Variants in MAPK10 observed in about 807,000 individuals in gnomAD.
The protein encoded by MAPK10 is mitogen-activated protein kinase 10.
A neutral mutation model predicts 59.3 loss-of-function variants in MAPK10; 25 were observed. The ratio of observed to expected loss-of-function variants is 0.42; its 90% CI spans 0.31 to 0.59. The LOEUF (loss-of-function observed/expected upper bound fraction) is 0.59. Ranked by LOEUF, MAPK10 falls within the 20% of genes least tolerant of loss-of-function variation. The pLI, the probability that MAPK10 is intolerant of heterozygous loss-of-function variation, is 0.15. For missense variants in MAPK10, 351 were observed against 568.9 expected, an observed-to-expected ratio of 0.62 and a Z score of 3.90; for synonymous variants, 190 against 200.5, an observed-to-expected ratio of 0.95 and a Z score of 0.44.
intron 2 of MAPK10, among the ~76,000 whole-genome samples, chr4:86,323,240 T>C (rs1490000236): frequency 6.6e-6 from 1 of 152,198 alleles, no homozygotes; most frequent in Non-Finnish European, 1.5e-5. Flanking sequence ...GTGCTGGTAA[T>C]GAAAGGTAAG....
intron 4 of MAPK10, among the ~76,000 whole-genome samples, chr4:86,121,253 A>T (rs2059193109): frequency 6.6e-6 from 1 of 152,190 alleles, no homozygotes; most frequent in South Asian, 2.1e-4. Context: ...CAAGATCAAG[A>T]AACAGCCAGA....
In MAPK10 at chr4:86,310,792, G is replaced by T. The variant is rs1176763069; in HGVS notation, c.-7+43738C>A. On this transcript the variant is annotated intron_variant, in intron 2 of 13. Coordinates refer to ENST00000641462, the MANE Select transcript of MAPK10 (RefSeq NM_138982.4). Reference sequence around the variant, plus strand: ...TAATTTCTCACTGTGTGATTTAGTGGTTTTTTTCTTCTCAAGGAAGGTTCT... The same window carrying T: ...TAATTTCTCACTGTGTGATTTAGTGTTTTTTTTCTTCTCAAGGAAGGTTCT... Among the ~76,000 whole-genome samples, 4 of 152,016 alleles carry T rather than the reference G, an allele frequency of 2.6e-5. No individual in the cohort carries two copies. In the Middle Eastern group the frequency reaches 0.01, roughly 390 times the overall value.
intron 2 of MAPK10, among the ~76,000 whole-genome samples, chr4:86,321,556 A>G (rs1228958668): frequency 7.7e-6 from 1 of 129,828 alleles, no homozygotes; most frequent in Non-Finnish European, 1.5e-5. Context: ...GGACACAGGA[A>G]GGGGAACATC....
intron 2 of MAPK10, among the ~76,000 whole-genome samples, chr4:86,243,535 C>T (rs887742425): frequency 6.6e-6 from 1 of 152,150 alleles, no homozygotes; most frequent in Non-Finnish European, 1.5e-5. Context: ...TCACTCATTA[C>T]ACTCTAGCCA....
intron 9 of MAPK10, among the ~76,000 whole-genome samples, chr4:86,086,433 A>C (rs948089207): frequency 2.6e-5 from 4 of 152,224 alleles, no homozygotes; most frequent in Non-Finnish European, 5.9e-5. Flanking sequence ...CAAAGGATAA[A>C]TACTTGAGGG....
At chr4:86,362,226 T>C (rs1227672912), upstream of MAPK10, among the ~76,000 whole-genome samples, 1 of 151,968 alleles carries the variant, frequency 6.6e-6, no homozygotes, top group African/African-American at 2.4e-5. Flanking sequence ...GTAACATGAA[T>C]GAGGAAAAAA....
intron 1 of MAPK10, among the ~76,000 whole-genome samples, chr4:86,501,890 A>G (rs2149079674): frequency 6.6e-6 from 1 of 152,186 alleles, no homozygotes; most frequent in South Asian, 2.1e-4. Context: ...TACATGGAAG[A>G]TTAAGGAGAC....
chr4:86,192,280 T>C (rs1176394486), intron 3 of MAPK10: 1 of 152,144 alleles, frequency 6.6e-6, no homozygotes, highest in Non-Finnish European at 1.5e-5. Context: ...AGTATCTTTG[T>C]GGTGTTTTCT....
At chr4:86,257,778 A>C (rs2148731503) in intron 2 of MAPK10, among the ~76,000 whole-genome samples, 3 of 152,244 alleles carry the variant, frequency 2.0e-5, no homozygotes, top group Middle Eastern at 6.8e-3. Context: ...TCAGTTCCTC[A>C]CACACATTCC....
At chr4:86,047,308 G>T (rs986397342) in intron 11 of MAPK10, among the ~76,000 whole-genome samples, 3 of 152,088 alleles carry the variant, frequency 2.0e-5, no homozygotes, top group African/African-American at 7.2e-5. Context: ...TTTGAGCAGA[G>T]ATTTGAATGA....
chr4:86,023,852 A>ATATATATATATATATAT (rs1560633949), intron 13 of MAPK10: 3 of 98,486 alleles, frequency 3.0e-5, no homozygotes, highest in African/African-American at 5.4e-5. Flanking sequence ...TATATATATA[A>ATATATATATATATATAT]AATGAATGTT....
intron 9 of MAPK10, among the ~76,000 whole-genome samples, chr4:86,087,365 C>A (rs1364737384): frequency 2.0e-5 from 3 of 152,104 alleles, no homozygotes; most frequent in Admixed American, 2.0e-4. Context: ...TCAGCCAAAA[C>A]TTAAAGACAA....
At chr4:86,418,681 A>G (rs1049707953) in intron 1 of MAPK10, among the ~76,000 whole-genome samples, 1 of 152,336 alleles carries the variant, frequency 6.6e-6, no homozygotes, top group South Asian at 2.1e-4. Context: ...CAAATATGAA[A>G]ATCTCTCTCC....
intron 2 of MAPK10, among the ~76,000 whole-genome samples, chr4:86,310,768 A>T (rs2095652899): frequency 6.6e-6 from 1 of 151,766 alleles, no homozygotes; most frequent in Admixed American, 6.6e-5. Flanking sequence ...TTTTTTTCCT[A>T]ATTTCTCACT....
chr4:86,204,086 T>C (rs984822351), intron 2 of MAPK10, among the ~76,000 whole-genome samples: 2 of 151,868 alleles, frequency 1.3e-5, no homozygotes, highest in Admixed American at 6.6e-5. Flanking sequence ...GTGGCAAAAC[T>C]GAGTAATCGT....
chr4:86,584,364 G>A (rs1256875833), intron 1 of MAPK10, among the ~76,000 whole-genome samples: 1 of 152,116 alleles, frequency 6.6e-6, no homozygotes, highest in Non-Finnish European at 1.5e-5. Context: ...AGGTCTAAGT[G>A]GAAAAACAAA....
At chr4:86,515,465 G>A (rs929078691) in intron 1 of MAPK10, among the ~76,000 whole-genome samples, 1 of 152,110 alleles carries the variant, frequency 6.6e-6, no homozygotes, top group Non-Finnish European at 1.5e-5. Flanking sequence ...GTGTAAAACT[G>A]TTCCCTTTTC....
intron 2 of MAPK10, among the ~76,000 whole-genome samples, chr4:86,320,414 T>A (rs1296178290): frequency 6.6e-6 from 1 of 152,224 alleles, no homozygotes; most frequent in Non-Finnish European, 1.5e-5. Context: ...TTATTTCTAT[T>A]CCAGGCTCTC....
chr4:86,535,533 G>T (rs1180553662), intron 1 of MAPK10, among the ~76,000 whole-genome samples: 2 of 151,850 alleles, frequency 1.3e-5, no homozygotes, highest in Admixed American at 6.6e-5. Context: ...TTTTTTGTTT[G>T]TTTTTTTTAG....
Sources: gnomAD v4.1 joint callset for allele counts (sites outside exome capture counted in the v4.1 genomes callset) on GRCh38, gnomAD v4.1.1 for gene constraint, MANE v1.5 for transcripts, NCBI Gene and HGNC (gene_info 2026-07-23, HGNC 2026-07-21) for gene names.